REDIC1: variants seen among roughly 807,000 people sequenced by gnomAD.
The protein encoded by REDIC1 is regulator of DNA class I crossover intermediates 1.
the REDIC1 span, among the ~76,000 whole-genome samples, chr12:39,874,207 G>A: frequency 2.6e-5 from 4 of 152,168 alleles, no homozygotes; most frequent in South Asian, 4.1e-4. Context: ...CAGGTCTGAC[G>A]ATCTGGGAGG....
At chr12:39,814,719 C>A in the REDIC1 span, among the ~76,000 whole-genome samples, 1 of 152,186 alleles carries the variant, frequency 6.6e-6, no homozygotes, top group African/African-American at 2.4e-5. Context: ...CCCTGCCTAT[C>A]CTTCAAGGCC....
the REDIC1 span, among the ~76,000 whole-genome samples, chr12:39,896,338 A>AAAT: frequency 1.6e-4 from 23 of 140,480 alleles, no homozygotes; most frequent in African/African-American, 5.8e-4. Flanking sequence ...GTATATATGT[A>AAAT]TACATATATG....
chr12:39,746,450 C>A, the REDIC1 span, among the ~76,000 whole-genome samples: 4 of 152,282 alleles, frequency 2.6e-5, no homozygotes, highest in Admixed American at 6.5e-5. Context: ...GGGTGGAGCC[C>A]ACCTCAGCTC....
chr12:39,701,607 A>G, the REDIC1 span, among the ~76,000 whole-genome samples: 34 of 151,992 alleles, frequency 2.2e-4, 1 homozygote, highest in Admixed American at 1.6e-3. Context: ...CATCTACAGA[A>G]CTCTCCACCC....
At chr12:39,714,235 G>C in the REDIC1 span, among the ~76,000 whole-genome samples, 1 of 71,718 alleles carries the variant, frequency 1.4e-5, no homozygotes, top group African/African-American at 4.6e-5. Flanking sequence ...ATGCATATAT[G>C]TATATATGTA....
At chr12:39,694,265 AC>A in the REDIC1 span, among the ~76,000 whole-genome samples, 1 of 152,186 alleles carries the variant, frequency 6.6e-6, no homozygotes, top group South Asian at 2.1e-4. Context: ...ACACAAAAAA[AC>A]ACCTTCCTAA....
At chr12:39,664,581 G>A in the REDIC1 span, among the ~76,000 whole-genome samples, 1 of 152,110 alleles carries the variant, frequency 6.6e-6, no homozygotes, top group African/African-American at 2.4e-5. Context: ...AATCCTTTGG[G>A]TATATACCCA....
the REDIC1 span, among the ~76,000 whole-genome samples, chr12:39,693,912 T>G: frequency 6.6e-6 from 1 of 152,178 alleles, no homozygotes; most frequent in African/African-American, 2.4e-5. Context: ...GTGTCACCAT[T>G]TGGCACCAAT....
At chr12:39,791,189 A>G in the REDIC1 span, among the ~76,000 whole-genome samples, 1 of 151,348 alleles carries the variant, frequency 6.6e-6, no homozygotes, top group Non-Finnish European at 1.5e-5. Flanking sequence ...CATGCTAAAA[A>G]CTCTCAATAA....
At chr12:39,694,258 C>A in the REDIC1 span, among the ~76,000 whole-genome samples, 1 of 151,968 alleles carries the variant, frequency 6.6e-6, no homozygotes, top group Admixed American at 6.6e-5. Flanking sequence ...TATCTACACA[C>A]AAAAAAACAC....
chr12:39,627,072 A>G, the REDIC1 span, among the ~76,000 whole-genome samples: 1 of 152,142 alleles, frequency 6.6e-6, no homozygotes, highest in African/African-American at 2.4e-5. Flanking sequence ...TTGAAACAAG[A>G]AGCCATTACA....
chr12:39,742,095 C>T, the REDIC1 span, among the ~76,000 whole-genome samples: 8 of 152,078 alleles, frequency 5.3e-5, no homozygotes, highest in East Asian at 3.9e-4. Flanking sequence ...CATCCCTTAC[C>T]GTCATGGCTG....
the REDIC1 span, among the ~76,000 whole-genome samples, chr12:39,626,786 G>T: frequency 2.0e-5 from 3 of 152,178 alleles, no homozygotes; most frequent in South Asian, 4.1e-4. Flanking sequence ...AGTCCCAGCT[G>T]CACTTAAATC....
the REDIC1 span, among the ~76,000 whole-genome samples, chr12:39,797,744 A>ATACGCG: frequency 6.7e-6 from 1 of 150,334 alleles, no homozygotes; most frequent in East Asian, 1.9e-4. Flanking sequence ...ACACACACAC[A>ATACGCG]CACACACACA....
the REDIC1 span, among the ~76,000 whole-genome samples, chr12:39,731,117 G>A: frequency 3.7e-4 from 57 of 152,236 alleles, no homozygotes; most frequent in Non-Finnish European, 5.6e-4. Flanking sequence ...TTAGCTCGGA[G>A]GAGTTTGTTA....
At chr12:39,760,340 C>G in the REDIC1 span, 2 of 1,241,720 alleles carry the variant, frequency 1.6e-6, no homozygotes, top group African/African-American at 3.0e-5. Flanking sequence ...CTTTTTTTTT[C>G]TGGTCAGTCA....
chr12:39,736,768 C>G, the REDIC1 span: 5 of 152,182 alleles, frequency 3.3e-5, no homozygotes, highest in Non-Finnish European at 7.3e-5. Flanking sequence ...CCTAAAGCCT[C>G]CATGCTGGAG....
the REDIC1 span, chr12:39,759,880 C>T: frequency 2.0e-4 from 119 of 604,070 alleles, no homozygotes; most frequent in African/African-American, 2.0e-3. Flanking sequence ...GTTGTATCTT[C>T]CTCCTAATCA....
the REDIC1 span, among the ~76,000 whole-genome samples, chr12:39,782,450 C>T: frequency 6.6e-6 from 1 of 152,034 alleles, no homozygotes; most frequent in African/African-American, 2.4e-5. Context: ...TTTCTCTTGC[C>T]GCCACCACGT....
Sources: allele counts gnomAD v4.1 joint callset (sites outside exome capture counted in the v4.1 genomes callset), GRCh38; gene constraint gnomAD v4.1.1; transcripts MANE v1.5; gene names NCBI Gene and HGNC (gene_info 2026-07-23, HGNC 2026-07-21).